The following ORAI2 variants were observed in gnomAD, a reference collection of about 807,000 sequenced individuals.
The protein encoded by ORAI2 is ORAI calcium release-activated calcium modulator 2, also known as protein orai-2.
Under a neutral mutation model 16.2 loss-of-function variants are expected in ORAI2, and 10 were observed. The ratio of observed to expected loss-of-function variants is 0.62; its 90% CI spans 0.38 to 1.04. ORAI2 has a LOEUF of 1.04. ORAI2 is among the 50% of genes least tolerant of loss of function. ORAI2 has a pLI of 0.01. For synonymous variants in ORAI2, 150 were observed against 157.5 expected (o/e 0.95, Z 0.35); for missense variants, 238 against 355.5 (o/e 0.67, Z 2.66).
chr7:102,434,096 T>C (rs1255046528), intron 1 of ORAI2, among the ~76,000 whole-genome samples: 2 of 128,076 alleles, frequency 1.6e-5, no homozygotes, highest in African/African-American at 5.9e-5. Context: ...CTACAAGACC[T>C]GTTTTCTCGG....
rs1358081499 is a variant in ORAI2 at position 102,451,733 on chromosome 7, C to T, written c.*4681C>T. On this transcript the variant is annotated 3_prime_UTR_variant, in exon 4 of 4. Coordinates refer to ENST00000495936, the MANE Select transcript of ORAI2 (RefSeq NM_001126340.3). ...GTGGCCTGAAAAACTCCTGGAGCGC[C>T]CTCTGGCCTCCTGTCGCTGGTCACT... 1 of 152,292 alleles carries T rather than the reference C, an allele frequency of 6.6e-6. No individual in the cohort carries two copies. Among genetic ancestry groups the T allele is most frequent in the Admixed American group, 6.5e-5 (1 of 15,288 alleles). 9.4% of individuals were successfully genotyped at this position (152,292 alleles called of 1,614,324 possible). A position where few individuals can be genotyped will look rare whatever the true frequency, so the allele number is the denominator to read the frequency against.
rs1466568224 is a variant in ORAI2, at chr7:102,449,147, G to T, written c.*2095G>T. 6.6e-6 allele frequency: 1 copy of T among 152,212 alleles called. No homozygotes were observed. Among genetic ancestry groups the T allele is most frequent in the African/African-American group, 2.4e-5 (1 of 41,466 alleles). The allele number at this position is 152,212 out of a possible 1,614,324, so 9.4% of individuals were successfully genotyped here. On this transcript the variant is annotated 3_prime_UTR_variant, in exon 4 of 4. Transcript: ENST00000495936. ...GGAGAAGAGCCCCGTGTCTTCTGAG[G>T]GGTTCGTCCTTTGTGTCCCCTGCAG...
intron 3 of ORAI2, among the ~76,000 whole-genome samples, chr7:102,440,347 TGAGTCATCCCCTAGGACAA>T (rs1184429304): frequency 1.3e-5 from 2 of 152,116 alleles, no homozygotes; most frequent in Non-Finnish European, 2.9e-5. Flanking sequence ...GCCTTCCTTC[TGAGTCATCCCCTAGGACAA>T]GAGTCAGTTT....
At position 102,448,877 on chromosome 7, in the gene ORAI2, T is replaced by C. The variant is rs1211702784; in HGVS notation, c.*1825T>C. 1.1e-4 allele frequency: 7 copies of C among 66,074 alleles called. No individual in the cohort carries two copies. Among genetic ancestry groups the C allele is most frequent in the African/African-American group, 2.6e-4 (6 of 23,466 alleles). The allele number at this position is 66,074 out of a possible 1,614,324, so 4.1% of individuals were successfully genotyped here. On this transcript the variant is annotated 3_prime_UTR_variant, in exon 4 of 4. Transcript: ENST00000495936. ...AGCCTGGGCAACAAGAGCGAAACTT[T>C]GTCTAAAAAAAAAAAAAAATCACTG...
rs1404786753 is a variant in ORAI2 at position 102,450,688 on chromosome 7, A to C, written c.*3636A>C. 6.6e-6 allele frequency: 1 copy of C among 152,292 alleles called. No individual in the cohort carries two copies. The highest frequency in any genetic ancestry group is 1.5e-5 in the Non-Finnish European group (1 of 68,094). 9.4% of individuals were successfully genotyped at this position (152,292 alleles called of 1,614,324 possible). On this transcript the variant is annotated 3_prime_UTR_variant, in exon 4 of 4. Coordinates refer to ENST00000495936, the MANE Select transcript of ORAI2 (RefSeq NM_001126340.3). Reference sequence around the variant, plus strand: ...CCTTTCTAGTTTCGAGGCATGAGGCAAACCATTGCTGTGGGAATAGCAGTG... The same window carrying C: ...CCTTTCTAGTTTCGAGGCATGAGGCCAACCATTGCTGTGGGAATAGCAGTG...
intron 1 of ORAI2, among the ~76,000 whole-genome samples, chr7:102,435,660 A>C (rs1184905532): frequency 6.7e-6 from 1 of 148,480 alleles, no homozygotes; most frequent in African/African-American, 2.5e-5. Flanking sequence ...TTTAAGACAG[A>C]GTCTCACTGT....
chr7:102,451,605 T>A lies in ORAI2; in HGVS notation c.*4553T>A, dbSNP rs943645594. 6.6e-6 allele frequency: 1 copy of A among 152,264 alleles called. No homozygotes were observed. The highest frequency in any genetic ancestry group is 1.5e-5 in the Non-Finnish European group (1 of 68,054). 9.4% of individuals were successfully genotyped at this position (152,264 alleles called of 1,614,324 possible). On this transcript the variant is annotated 3_prime_UTR_variant, in exon 4 of 4. Coordinates refer to ENST00000495936, the MANE Select transcript of ORAI2 (RefSeq NM_001126340.3). ...TGGATGAAACGGAATAAACCAGTGATGCTATTCAAAGTCTTTCTGTTCTTG... is the reference window on the plus strand; with the variant it reads ...TGGATGAAACGGAATAAACCAGTGAAGCTATTCAAAGTCTTTCTGTTCTTG...
intron 3 of ORAI2, among the ~76,000 whole-genome samples, chr7:102,440,230 AGATT>A (rs1461797658): frequency 6.6e-6 from 1 of 152,066 alleles, no homozygotes; most frequent in Non-Finnish European, 1.5e-5. Flanking sequence ...AGGGCCTCAG[AGATT>A]GATTGGGGTT....
rs1797576718 is a variant in ORAI2, at chr7:102,453,465, T to C, written c.*6413T>C. On this transcript the variant is annotated 3_prime_UTR_variant, in exon 4 of 4. Transcript: ENST00000495936. The stretch of plus-strand genomic sequence containing the variant: ...CCTAGAGGCTGCTAGGAATCAGGTG[T>C]GCCAAGCAACTGGCACCACTCCATG... 2 of 152,164 alleles carry C rather than the reference T, an allele frequency of 1.3e-5. No homozygotes were observed. The highest frequency in any genetic ancestry group is 4.1e-4 in the South Asian group (2 of 4,836). 9.4% of individuals were successfully genotyped at this position (152,164 alleles called of 1,614,324 possible). A position where few individuals can be genotyped will look rare whatever the true frequency, so the allele number is the denominator to read the frequency against.
At position 102,439,090 on chromosome 7, in the gene ORAI2, T is replaced by C; in HGVS notation, c.134T>C (p.Val45Ala). The C allele has an allele frequency of 6.2e-7, 1 of 1,614,062 alleles. No homozygotes were observed. Among genetic ancestry groups the C allele is most frequent in the African/African-American group, 1.3e-5 (1 of 75,058 alleles). The stretch of plus-strand genomic sequence containing the variant: ...CTGGTCACCTCTAACCACCACTCGG[T>C]ACAGGCCCTGTCGTGGCGGAAGCTC... ...LELVTSNHHS[V>A]QALSWRKLYL... is the part of the protein sequence containing the mutation. The change falls in exon 3 of 4, where the codon GTA (valine) becomes GCA (alanine). Residue 45 changes from valine to alanine, a missense_variant. By Grantham distance (64) the Val-to-Ala change is moderately conservative (BLOSUM62 0). Around this residue, in one of 3 missense-constraint regions of ORAI2, gnomAD observed 61 missense variants for 72.7 expected, o/e 0.84. Transcript: ENST00000495936.
rs61279901 is a variant in ORAI2 at position 102,453,463 on chromosome 7, T to G, written c.*6411T>G. ...ACCCTAGAGGCTGCTAGGAATCAGGTGTGCCAAGCAACTGGCACCACTCCA... is the reference window on the plus strand; with the variant it reads ...ACCCTAGAGGCTGCTAGGAATCAGGGGTGCCAAGCAACTGGCACCACTCCA... On this transcript the variant is annotated 3_prime_UTR_variant, in exon 4 of 4. Transcript: ENST00000495936. The G allele has an allele frequency of 0.12, 18,889 of 152,168 alleles. 2,035 individuals are homozygous for G. Among genetic ancestry groups the G allele is most frequent in the East Asian group, 0.42 (2,166 of 5,152 alleles). 9.4% of individuals were successfully genotyped at this position (152,168 alleles called of 1,614,324 possible). A position where few individuals can be genotyped will look rare whatever the true frequency, so the allele number is the denominator to read the frequency against.
Position 102,452,830 on chromosome 7 carries a change from G to C in ORAI2, c.*5778G>C, listed in dbSNP as rs907156728. On this transcript the variant is annotated 3_prime_UTR_variant, in exon 4 of 4. Coordinates refer to ENST00000495936, the MANE Select transcript of ORAI2 (RefSeq NM_001126340.3). ...TTGTTTTGTTTTGTTTTGTTTTTTT[G>C]AAACAGTCTCTCTCTGTCTCCCAGG... 2 of 151,836 alleles carry C rather than the reference G, an allele frequency of 1.3e-5. No homozygotes were observed. Among genetic ancestry groups the C allele is most frequent in the African/African-American group, 4.8e-5 (2 of 41,240 alleles). The allele number at this position is 151,836 out of a possible 1,614,324, so 9.4% of individuals were successfully genotyped here.
At chr7:102,436,657 G>A (rs761135850) in intron 2 of ORAI2, among the ~76,000 whole-genome samples, 7 of 152,220 alleles carry the variant, frequency 4.6e-5, no homozygotes, top group Middle Eastern at 6.8e-3. Context: ...TAGACTTTCC[G>A]TGGGGCCTAT....
chr7:102,443,273 C>T (rs56298567), intron 3 of ORAI2, among the ~76,000 whole-genome samples: 20,451 of 144,678 alleles, frequency 0.14, 1,875 homozygotes, highest in East Asian at 0.3. Context: ...CCCCTTTTCT[C>T]CTTTTTTTTT....
At chr7:102,444,212 G>A (rs570020385) in intron 3 of ORAI2, among the ~76,000 whole-genome samples, 5 of 151,912 alleles carry the variant, frequency 3.3e-5, no homozygotes, top group Admixed American at 6.6e-5. Flanking sequence ...CTCTAACTCC[G>A]GGGCCCAGCC....
In ORAI2 at chr7:102,454,184, A is replaced by G. The variant is rs1391630719; in HGVS notation, c.*7132A>G. On this transcript the variant is annotated 3_prime_UTR_variant, in exon 4 of 4. Transcript: ENST00000495936. ...CTGAGGTGGGCGGATCGCTTGAGCCAAGGAGTTCGAGACCAGCCTGGGCAA... is the reference window on the plus strand; with the variant it reads ...CTGAGGTGGGCGGATCGCTTGAGCCGAGGAGTTCGAGACCAGCCTGGGCAA... 2 of 151,888 alleles carry G rather than the reference A, an allele frequency of 1.3e-5. No individual in the cohort carries two copies. The highest frequency in any genetic ancestry group is 4.8e-5 in the African/African-American group (2 of 41,318). 9.4% of individuals were successfully genotyped at this position (151,888 alleles called of 1,614,324 possible). A position where few individuals can be genotyped will look rare whatever the true frequency, so the allele number is the denominator to read the frequency against.
intron 2 of ORAI2, 94 bp downstream of exon 2, chr7:102,436,427 A>G (rs1797060388): frequency 2.5e-6 from 2 of 789,222 alleles, no homozygotes; most frequent in Non-Finnish European, 3.1e-6. Flanking sequence ...TGTTGAGAAC[A>G]AAGGGAAAGG....
chr7:102,445,979 C>T (rs1474950547), intron 3 of ORAI2, among the ~76,000 whole-genome samples: 1 of 151,078 alleles, frequency 6.6e-6, no homozygotes, highest in Non-Finnish European at 1.5e-5. Context: ...GACAGAGTCT[C>T]ACTGTGTCAC....
At position 102,452,707 on chromosome 7, in the gene ORAI2, G is replaced by C. The variant is rs1241076531; in HGVS notation, c.*5655G>C. 6.6e-6 allele frequency: 1 copy of C among 152,306 alleles called. No individual in the cohort carries two copies. Among genetic ancestry groups the C allele is most frequent in the African/African-American group, 2.4e-5 (1 of 41,456 alleles). The allele number at this position is 152,306 out of a possible 1,614,324, so 9.4% of individuals were successfully genotyped here. On this transcript the variant is annotated 3_prime_UTR_variant, in exon 4 of 4. Coordinates refer to ENST00000495936, the MANE Select transcript of ORAI2 (RefSeq NM_001126340.3). ...CCCTCCTGCCTTGGCCTCCCAAAGT[G>C]CTGGGATTACAGGTGCGAGCCACCA... is the stretch of plus-strand genomic sequence containing the variant.
Sources: gnomAD v4.1 joint callset for allele counts (sites outside exome capture counted in the v4.1 genomes callset) on GRCh38, gnomAD v4.1.1 for gene constraint, gnomAD v4.1.1 regional missense constraint, MANE v1.5 for transcripts, NCBI Gene and HGNC (gene_info 2026-07-23, HGNC 2026-07-21) for gene names.